MSRB3: variants seen among roughly 807,000 people sequenced by gnomAD.
The protein encoded by MSRB3 is methionine-R-sulfoxide reductase B3.
MSRB3 carries 13 observed loss-of-function variants against 21.0 expected under a neutral mutation model. The ratio of observed to expected loss-of-function variants is 0.62; its 90% CI spans 0.40 to 0.98. MSRB3 has a LOEUF of 0.98. Among genes scored for constraint, MSRB3 ranks in the 50% least tolerant of loss-of-function variants. The probability of loss-of-function intolerance (pLI) is 0.00; values close to 1 mark genes in which losing one functional copy is unlikely to be tolerated. For synonymous variants in MSRB3, 87 were observed against 88.6 expected (o/e 0.98, Z 0.10); for missense variants, 199 against 230.3 (o/e 0.86, Z 0.88).
chr12:65,310,703 A>T (rs11175722), intron 2 of MSRB3, among the ~76,000 whole-genome samples: 6,399 of 152,314 alleles, frequency 0.042, 436 homozygotes, highest in African/African-American at 0.15. Flanking sequence ...AAATATAAAT[A>T]TCTTTAAATT....
chr12:65,431,670 A>G (rs536763983), intron 5 of MSRB3, among the ~76,000 whole-genome samples: 17 of 152,134 alleles, frequency 1.1e-4, no homozygotes, highest in African/African-American at 4.1e-4. Flanking sequence ...GTGTGTTCCT[A>G]TTTGAAAAAT....
chr12:65,463,653 C>T lies in MSRB3; in HGVS notation c.*331C>T, dbSNP rs1251596760. 1.5e-5 allele frequency: 5 copies of T among 338,986 alleles called. No individual in the cohort carries two copies. Among genetic ancestry groups the T allele is most frequent in the Non-Finnish European group, 2.2e-5 (4 of 178,964 alleles). 21.0% of individuals were successfully genotyped at this position (338,986 alleles called of 1,614,324 possible). ...GATTCAGAAGCAGAGGGTTCATGGT[C>T]TTCAAACATGAAAATAGAGATCTCC... On this transcript the variant is annotated 3_prime_UTR_variant, in exon 7 of 7. Coordinates refer to ENST00000308259, the MANE Select transcript of MSRB3 (RefSeq NM_001031679.3).
intron 5 of MSRB3, among the ~76,000 whole-genome samples, chr12:65,427,864 T>C (rs1419154006): frequency 6.6e-6 from 1 of 152,186 alleles, no homozygotes; most frequent in Non-Finnish European, 1.5e-5. Flanking sequence ...AGCAAGAGCT[T>C]AACTCTAGGT....
chr12:65,413,638 T>C (rs1317828982), intron 5 of MSRB3, among the ~76,000 whole-genome samples: 2 of 152,194 alleles, frequency 1.3e-5, no homozygotes, highest in East Asian at 3.9e-4. Flanking sequence ...TATTGGTGCT[T>C]GATGTACGTT....
At chr12:65,358,407 G>T (rs1877512736) in intron 4 of MSRB3, among the ~76,000 whole-genome samples, 1 of 151,812 alleles carries the variant, frequency 6.6e-6, no homozygotes, top group Admixed American at 6.6e-5. Flanking sequence ...TAGACTCATG[G>T]ATATTAATTT....
intron 5 of MSRB3, among the ~76,000 whole-genome samples, chr12:65,449,857 G>A (rs1013486085): frequency 6.6e-6 from 1 of 152,156 alleles, no homozygotes; most frequent in South Asian, 2.1e-4. Flanking sequence ...GATAGAATTG[G>A]CTTCAACTTG....
chr12:65,443,888 C>G (rs954589741), intron 5 of MSRB3, among the ~76,000 whole-genome samples: 5 of 152,120 alleles, frequency 3.3e-5, no homozygotes, highest in Non-Finnish European at 7.4e-5. Context: ...CCCCTGGCAA[C>G]TATCATTCTA....
intron 5 of MSRB3, among the ~76,000 whole-genome samples, chr12:65,390,842 C>T (rs79484441): frequency 0.037 from 5,568 of 152,066 alleles, 155 homozygotes; most frequent in Middle Eastern, 0.061. Flanking sequence ...TATTATCTTT[C>T]TTATAGTTTT....
intron 2 of MSRB3, among the ~76,000 whole-genome samples, chr12:65,326,384 G>A (rs985859556): frequency 1.3e-5 from 2 of 152,164 alleles, no homozygotes; most frequent in African/African-American, 2.4e-5. Flanking sequence ...AATTTTGATG[G>A]TTTCAGGCTA....
At chr12:65,454,384 AT>A (rs1882999511) in intron 6 of MSRB3, 1 of 152,248 alleles carries the variant, frequency 6.6e-6, no homozygotes, top group African/African-American at 2.4e-5. Flanking sequence ...GGTAGGAAAA[AT>A]ATCATCTTCA....
At chr12:65,403,276 C>T (rs1880232030) in intron 5 of MSRB3, among the ~76,000 whole-genome samples, 1 of 152,226 alleles carries the variant, frequency 6.6e-6, no homozygotes, top group Admixed American at 6.5e-5. Flanking sequence ...ACTGGGGCTG[C>T]TGCCTTTCTT....
chr12:65,297,365 C>T (rs889340405), intron 1 of MSRB3, among the ~76,000 whole-genome samples: 8 of 151,968 alleles, frequency 5.3e-5, no homozygotes, highest in African/African-American at 1.9e-4. Flanking sequence ...GCACATGTGC[C>T]CCGGAACTTA....
chr12:65,330,177 T>C (rs1007434863), intron 4 of MSRB3, among the ~76,000 whole-genome samples: 2 of 152,194 alleles, frequency 1.3e-5, no homozygotes, highest in African/African-American at 4.8e-5. Flanking sequence ...GAAAACTTAC[T>C]GTTTTAAATA....
intron 4 of MSRB3, among the ~76,000 whole-genome samples, chr12:65,329,965 C>G (rs1875303169): frequency 6.6e-6 from 1 of 152,218 alleles, no homozygotes; most frequent in Non-Finnish European, 1.5e-5. Flanking sequence ...CATTTCCTCT[C>G]AGAAAACACA....
At position 65,282,633 on chromosome 12, in the gene MSRB3, A is replaced by T. The variant is rs373746473; in HGVS notation, c.-52+3768A>T. On this transcript the variant is annotated intron_variant, in intron 1 of 6. Transcript: ENST00000308259. ...ATAAGGGACTGGAAAAATCTAGAAC[A>T]TTCCCTGTCTCTAGTTTGCTTCACT... is the stretch of plus-strand genomic sequence containing the variant. Among the ~76,000 whole-genome samples the T allele has an allele frequency of 7.3e-5, 11 of 149,782 alleles. No individual in the cohort carries two copies. The East Asian group carries it at 2.2e-3, about 30-fold the overall frequency.
At chr12:65,369,071 A>C (rs751737685) in intron 5 of MSRB3, 45 bp downstream of exon 5, 17 of 1,340,060 alleles carry the variant, frequency 1.3e-5, no homozygotes, top group Non-Finnish European at 1.8e-5. Context: ...TTTTATTTAC[A>C]TTATTCTCTG....
At position 65,410,977 on chromosome 12, in the gene MSRB3, C is replaced by G. The variant is rs72648168; in HGVS notation, c.292+41951C>G. On this transcript the variant is annotated intron_variant, in intron 5 of 6. Coordinates refer to ENST00000308259, the MANE Select transcript of MSRB3 (RefSeq NM_001031679.3). ...TCTGTGAAACTACCCCACCCCCACC[C>G]TTTTATGGGGTAGCGTATTTGATAT... is the stretch of plus-strand genomic sequence containing the variant. Among the ~76,000 whole-genome samples, 610 of 152,234 alleles carry G rather than the reference C, an allele frequency of 4.0e-3. 23 individuals carry two copies. In the East Asian group the frequency reaches 0.068, roughly 17 times the overall value.
chr12:65,417,468 A>T (rs1881041573), intron 5 of MSRB3, among the ~76,000 whole-genome samples: 1 of 152,212 alleles, frequency 6.6e-6, no homozygotes. Flanking sequence ...TTTTTAACAT[A>T]TGCATTACCT....
intron 1 of MSRB3, among the ~76,000 whole-genome samples, chr12:65,290,408 C>G (rs1872606052): frequency 6.6e-6 from 1 of 152,100 alleles, no homozygotes; most frequent in Admixed American, 6.6e-5. Context: ...TATGCCTTTT[C>G]CCATTTAACT....
Sources: allele counts gnomAD v4.1 joint callset (sites outside exome capture counted in the v4.1 genomes callset), GRCh38; gene constraint gnomAD v4.1.1; transcripts MANE v1.5; gene names NCBI Gene and HGNC (gene_info 2026-07-23, HGNC 2026-07-21).